The following SASH3 variants were observed in gnomAD, a reference collection of about 807,000 sequenced individuals.
SASH3 encodes the protein SAM and SH3 domain containing 3.
SASH3 carries 7 observed loss-of-function variants against 26.1 expected under a neutral mutation model. The ratio of observed to expected loss-of-function variants is 0.27; its 90% CI spans 0.15 to 0.50. The LOEUF is 0.50. SASH3 is among the 20% of genes least tolerant of loss of function. The pLI, the probability that SASH3 is intolerant of heterozygous loss-of-function variation, is 0.98. For synonymous variants in SASH3, 138 were observed against 136.8 expected (o/e 1.01, Z -0.06); for missense variants, 231 against 318.3 (o/e 0.73, Z 2.09).
At chrX:129,782,855 C>A (rs776699193) in intron 1 of SASH3, among the ~76,000 whole-genome samples, 5 of 111,780 alleles carry the variant, frequency 4.5e-5, no homozygotes, top group African/African-American at 1.6e-4. Context: ...ATTGGAGAGG[C>A]CCCAGGGTTG....
chrX:129,794,532 A>C lies in SASH3; in HGVS notation c.*700A>C, dbSNP rs1569314078. 2.7e-5 allele frequency: 3 copies of C among 110,980 alleles called. No individual in the cohort carries two copies. The highest frequency in any genetic ancestry group is 9.6e-5 in the Admixed American group (1 of 10,443). The allele number at this position is 110,980 out of a possible 1,213,427, so 9.1% of individuals were successfully genotyped here. ...GACATTAAATGTCTATTCTCCTGTTACCTGTGGCCTGGGACACCAGTGGGG... is the reference window on the plus strand; with the variant it reads ...GACATTAAATGTCTATTCTCCTGTTCCCTGTGGCCTGGGACACCAGTGGGG... On this transcript the variant is annotated 3_prime_UTR_variant, in exon 8 of 8. Coordinates refer to ENST00000356892, the MANE Select transcript of SASH3 (RefSeq NM_018990.4).
At chrX:129,789,713 G>A (rs764090701) in intron 3 of SASH3, among the ~76,000 whole-genome samples, 1 of 112,068 alleles carries the variant, frequency 8.9e-6, no homozygotes, top group Non-Finnish European at 1.9e-5. Flanking sequence ...ACAGGCAGCT[G>A]TGGGGCAGGC....
intron 1 of SASH3, among the ~76,000 whole-genome samples, chrX:129,787,094 G>A (rs1054573743): frequency 9.0e-6 from 1 of 111,015 alleles, no homozygotes; most frequent in East Asian, 2.8e-4. Context: ...CTGAGGTCAG[G>A]AGTTCGAGAC....
intron 3 of SASH3, among the ~76,000 whole-genome samples, chrX:129,789,171 A>G (rs79573151): frequency 4.9e-4 from 47 of 95,041 alleles, no homozygotes; most frequent in East Asian, 1.3e-3. Flanking sequence ...GAAAGAGAAA[A>G]AAAAAAAAAA....
chrX:129,787,058 T>G (rs1927120997), intron 1 of SASH3, among the ~76,000 whole-genome samples: 2 of 109,693 alleles, frequency 1.8e-5, no homozygotes, highest in South Asian at 7.7e-4. Flanking sequence ...TCCCAGCACT[T>G]TGGGAGGCCG....
chrX:129,793,365 C>G lies in SASH3; in HGVS notation c.952+226C>G, dbSNP rs762669227. ...TTTGGATCAAAGGGGACCCTTAAGG[C>G]CAAAGAAGGCAAAGCCTTACTTGAG... is the stretch of plus-strand genomic sequence containing the variant. On this transcript the variant is annotated intron_variant, in intron 7 of 7. Transcript: ENST00000356892. Among the ~76,000 whole-genome samples, 4 of 112,540 alleles carry G rather than the reference C, an allele frequency of 3.6e-5. No individual in the cohort carries two copies. The East Asian group carries it at 1.1e-3, about 31-fold the overall frequency.
In SASH3 at chrX:129,794,682, A is replaced by G. The variant is rs1204420596; in HGVS notation, c.*850A>G. ...CTTCCCCCAGCTTAACACAATGCCC[A>G]TACCTCATACGATATGCGCCCTCCC... is the stretch of plus-strand genomic sequence containing the variant. On this transcript the variant is annotated 3_prime_UTR_variant, in exon 8 of 8. Transcript: ENST00000356892. 6 of 111,171 alleles carry G rather than the reference A, an allele frequency of 5.4e-5. No individual in the cohort carries two copies. Among genetic ancestry groups the G allele is most frequent in the Non-Finnish European group, 1.1e-4 (6 of 53,056 alleles). 9.2% of individuals were successfully genotyped at this position (111,171 alleles called of 1,213,427 possible). A position where few individuals can be genotyped will look rare whatever the true frequency, so the allele number is the denominator to read the frequency against.
At position 129,792,414 on chromosome X, in the gene SASH3, C is replaced by T; in HGVS notation, c.529C>T (p.Arg177Trp). The T allele has an allele frequency of 2.5e-6, 3 of 1,211,436 alleles. No individual in the cohort carries two copies. The highest frequency in any genetic ancestry group is 3.4e-6 in the Non-Finnish European group (3 of 895,345). ...APQYTGPFCGRARVHTDFTPS... is the reference protein window; with the variant it reads ...APQYTGPFCGWARVHTDFTPS... ...CCAGTACACAGGGCCTTTCTGTGGC[C>T]GGGCACGAGTCCACACCGACTTCAC... Residue 177 changes from arginine (R) to tryptophan (W), a missense_variant, in exon 5 of 8, where the codon CGG becomes TGG. Coordinates refer to ENST00000356892, the MANE Select transcript of SASH3 (RefSeq NM_018990.4).
At chrX:129,782,828 C>T (rs1392521932) in intron 1 of SASH3, among the ~76,000 whole-genome samples, 1 of 111,872 alleles carries the variant, frequency 8.9e-6, no homozygotes, top group Non-Finnish European at 1.9e-5. Context: ...CATGGCGCCT[C>T]CCATGGATCG....
intron 1 of SASH3, 119 bp downstream of exon 1, chrX:129,780,273 CA>C: frequency 7.9e-6 from 5 of 630,754 alleles, no homozygotes; most frequent in Non-Finnish European, 1.0e-5. Context: ...AGGTGAGGGC[CA>C]CTCACCTAGA....
Position 129,793,119 on chromosome X carries a change from A to G in SASH3, c.932A>G (p.Glu311Gly). The change falls in exon 7 of 8, where the codon GAG (glutamate) becomes GGG (glycine). Residue 311 changes from glutamate (E) to glycine (G), a missense_variant. Physicochemically the swap from Glu to Gly is moderately conservative, Grantham distance 98. Coordinates refer to ENST00000356892, the MANE Select transcript of SASH3 (RefSeq NM_018990.4). ...CGGGCCAAGCTGCTCACGGCCGCCGAGCTGCTGCTGGACTATGACAGTGAG... is the reference window on the plus strand; with the variant it reads ...CGGGCCAAGCTGCTCACGGCCGCCGGGCTGCTGCTGGACTATGACAGTGAG... ...QHRAKLLTAA[E>G]LLLDYDTGSE... The G allele has an allele frequency of 8.3e-7, 1 of 1,211,612 alleles. No individual in the cohort carries two copies. Among genetic ancestry groups the G allele is most frequent in the Non-Finnish European group, 1.1e-6 (1 of 895,488 alleles).
chrX:129,788,096 ATC>A, intron 2 of SASH3, 26 bp downstream of exon 2: 1 of 415,679 alleles, frequency 2.4e-6, no homozygotes, highest in East Asian at 8.8e-5. Context: ...TCCTTGTGGG[ATC>A]TGGCTGCAGG....
chrX:129,792,177 C>G (rs1182147063), intron 4 of SASH3, 151 bp from the exon 5 acceptor site: 4 of 586,381 alleles, frequency 6.8e-6, no homozygotes, highest in Non-Finnish European at 1.0e-5. Flanking sequence ...TTCAGAATCC[C>G]TTCTGCAGTG....
chrX:129,788,446 T>C lies in SASH3; in HGVS notation c.169T>C (p.Ser57Pro). The change falls in exon 3 of 8, where the codon TCA becomes CCA. Residue 57 changes from serine to proline, a missense_variant. Ser to Pro is a moderately conservative substitution (Grantham distance 74). Coordinates refer to ENST00000356892, the MANE Select transcript of SASH3 (RefSeq NM_018990.4). ...NLDDNIPEDD[S>P]GVPTPEDAGK... The stretch of plus-strand genomic sequence containing the variant: ...GTTGTCACAGATTCCAGAAGATGAC[T>C]CAGGTGTCCCCACCCCAGAAGATGC... 8.3e-7 allele frequency: 1 copy of C among 1,211,374 alleles called. No homozygotes were observed. Among genetic ancestry groups the C allele is most frequent in the Non-Finnish European group, 1.1e-6 (1 of 895,275 alleles).
At chrX:129,786,260 A>ATG (rs1297170003) in intron 1 of SASH3, among the ~76,000 whole-genome samples, 1 of 111,530 alleles carries the variant, frequency 9.0e-6, no homozygotes, top group Non-Finnish European at 1.9e-5. Flanking sequence ...ACTTTTAGGA[A>ATG]TGTGTGACCC....
In SASH3 at chrX:129,793,671, G is replaced by A. The variant is rs1927274216; in HGVS notation, c.982G>A (p.Glu328Lys). ...TGSEEAEEGA[E>K]SSQEPVAHTV... ...CAGTGAGGAGGCTGAAGAGGGCGCC[G>A]AGAGCAGCCAGGAGCCAGTGGCACA... The change falls in exon 8 of 8, where the codon GAG (glutamate) becomes AAG (lysine). Residue 328 changes from glutamate to lysine, a missense_variant. Glu to Lys is a moderately conservative substitution (Grantham distance 56). Coordinates refer to ENST00000356892, the MANE Select transcript of SASH3 (RefSeq NM_018990.4). 1.2e-5 allele frequency: 14 copies of A among 1,211,953 alleles called. No homozygotes were observed. In the East Asian group the frequency reaches 2.7e-4, roughly 23 times the overall value.
chrX:129,787,188 A>G (rs1927124275), intron 1 of SASH3, among the ~76,000 whole-genome samples: 1 of 111,959 alleles, frequency 8.9e-6, no homozygotes, highest in Admixed American at 9.5e-5. Context: ...ATCCTGAAAA[A>G]CATCTCATCA....
intron 1 of SASH3, among the ~76,000 whole-genome samples, chrX:129,781,701 A>T (rs941471639): frequency 1.8e-5 from 2 of 112,404 alleles, no homozygotes; most frequent in Non-Finnish European, 3.8e-5. Context: ...TCCCAGCTTC[A>T]ATTACCCAGA....
intron 4 of SASH3, among the ~76,000 whole-genome samples, chrX:129,792,024 T>TGTTG (rs1190831415): frequency 9.0e-6 from 1 of 111,684 alleles, no homozygotes; most frequent in Non-Finnish European, 1.9e-5. Flanking sequence ...TTCATTGGAG[T>TGTTG]GTTGGCCCAG....
Sources: gnomAD v4.1 joint callset for allele counts (sites outside exome capture counted in the v4.1 genomes callset) on GRCh38, gnomAD v4.1.1 for gene constraint, MANE v1.5 for transcripts, NCBI Gene and HGNC (gene_info 2026-07-23, HGNC 2026-07-21) for gene names.